Variants in TDRD7 observed in about 807,000 individuals in gnomAD.
TDRD7 encodes tudor domain containing 7.
A neutral mutation model predicts 109.8 loss-of-function variants in TDRD7; 47 were observed. The ratio of observed to expected loss-of-function variants is 0.43; its 90% CI spans 0.34 to 0.55. The LOEUF (loss-of-function observed/expected upper bound fraction) is 0.55, where lower values mean the gene tolerates loss of function less well. Ranked by LOEUF, TDRD7 falls within the 20% of genes least tolerant of loss-of-function variation. The pLI, the probability that TDRD7 is intolerant of heterozygous loss-of-function variation, is 0.03. For synonymous variants in TDRD7, 424 were observed against 457.3 expected (o/e 0.93, Z 0.93); for missense variants, 1,164 against 1,319.2 (o/e 0.88, Z 1.82).
rs61045195 is a variant in TDRD7 at position 97,480,427 on chromosome 9, A to ATT, written c.2302-387_2302-386dup. The ATT allele has an allele frequency of 8.4e-3, 1,564 of 187,166 alleles. 43 individuals carry two copies. In the East Asian group the frequency reaches 0.09, roughly 11 times the overall value. 11.6% of individuals were successfully genotyped at this position (187,166 alleles called of 1,614,324 possible). ...TCAGATTTCCTCCAAATGACAATTG[A>ATT]TTTTTTTTTTTTTTTAAGTTGAGCT... On this transcript the variant is annotated intron_variant, in intron 13 of 16. Coordinates refer to ENST00000355295, the MANE Select transcript of TDRD7 (RefSeq NM_014290.3).
rs139017284 is a variant in TDRD7, at chr9:97,412,912, G to A, written c.-7+674G>A. On this transcript the variant is annotated intron_variant, in intron 1 of 16. Transcript: ENST00000355295. The surrounding 1 kb of genome is among the most constrained non-coding windows in gnomAD (Gnocchi z 4.3). ...TCAGACTCTCAGCTTCAGCTTGCTA[G>A]GAGGGAGCTTGGAGCCGGCATATCT... Among the ~76,000 whole-genome samples the A allele has an allele frequency of 2.5e-4, 38 of 152,298 alleles. No homozygotes were observed. Among genetic ancestry groups the A allele is most frequent in the African/African-American group, 5.5e-4 (23 of 41,560 alleles).
At chr9:97,451,357 A>C (rs1397408433) in intron 6 of TDRD7, among the ~76,000 whole-genome samples, 1 of 152,148 alleles carries the variant, frequency 6.6e-6, no homozygotes, top group Non-Finnish European at 1.5e-5. Context: ...TGCCACCATC[A>C]TAACTCACTG....
At chr9:97,425,829 A>G (rs1001968354) in intron 1 of TDRD7, among the ~76,000 whole-genome samples, 2 of 152,208 alleles carry the variant, frequency 1.3e-5, no homozygotes, top group East Asian at 3.8e-4. Context: ...AGGCAGTTTC[A>G]TTGCTGTGCA....
intron 16 of TDRD7, among the ~76,000 whole-genome samples, chr9:97,494,818 C>T (rs1829369734): frequency 6.6e-6 from 1 of 151,512 alleles, no homozygotes; most frequent in Non-Finnish European, 1.5e-5. Flanking sequence ...TCAAGCGATC[C>T]TCCTCCCTTA....
At chr9:97,440,470 C>A (rs1009692690) in intron 5 of TDRD7, among the ~76,000 whole-genome samples, 1 of 152,202 alleles carries the variant, frequency 6.6e-6, no homozygotes, top group African/African-American at 2.4e-5. Context: ...TCTTTTCCTC[C>A]TTCCCAGTCC....
intron 4 of TDRD7, among the ~76,000 whole-genome samples, chr9:97,434,688 A>G (rs1179397878): frequency 1.3e-5 from 2 of 152,192 alleles, no homozygotes; most frequent in Non-Finnish European, 1.5e-5. Context: ...TCTCAGAGAA[A>G]TGAAAACTTA....
rs538957220 is a variant in TDRD7 at position 97,453,154 on chromosome 9, A to C, written c.856-7024A>C. Among the ~76,000 whole-genome samples, 84 of 152,302 alleles carry C rather than the reference A, an allele frequency of 5.5e-4. 1 individual carries two copies. In the South Asian group the frequency reaches 0.017, roughly 30 times the overall value. ...GATAAGATGGGTTATCGTCCACTGA[A>C]AGTAGTTTCTACCACCCACTTCAGA... On this transcript the variant is annotated intron_variant, in intron 6 of 16. Coordinates refer to ENST00000355295, the MANE Select transcript of TDRD7 (RefSeq NM_014290.3).
At chr9:97,430,880 G>A in intron 2 of TDRD7, 53 bp from the exon 3 acceptor site, 1 of 1,611,876 alleles carries the variant, frequency 6.2e-7, no homozygotes, top group South Asian at 1.1e-5. Context: ...TGGCCTCTAG[G>A]CAACACGGAA....
rs145055145 is a variant in TDRD7 at position 97,463,608 on chromosome 9, C to A, written c.1443-1234C>A. 1.3e-4 allele frequency among the ~76,000 whole-genome samples: 20 copies of A among 152,260 alleles called. No homozygotes were observed. In the East Asian group the frequency reaches 3.9e-3, roughly 29 times the overall value. ...TGATGCTGGTGCTGTTAGAGTATAGCCTTCCAGCTAAAAAGGCCTCGATCC... is the reference window on the plus strand; with the variant it reads ...TGATGCTGGTGCTGTTAGAGTATAGACTTCCAGCTAAAAAGGCCTCGATCC... On this transcript the variant is annotated intron_variant, in intron 7 of 16. Transcript: ENST00000355295.
Position 97,487,259 on chromosome 9 carries a change from C to T in TDRD7, c.3003C>T (p.Asn1001=), listed in dbSNP as rs1438565962. 3 of 1,613,986 alleles carry T rather than the reference C, an allele frequency of 1.9e-6. No homozygotes were observed. Among genetic ancestry groups the T allele is most frequent in the Admixed American group, 1.7e-5 (1 of 59,990 alleles). The change falls in exon 16 of 17, where the codon AAC becomes AAT. Residue 1001 remains asparagine, a synonymous_variant. Coordinates refer to ENST00000355295, the MANE Select transcript of TDRD7 (RefSeq NM_014290.3). ...ELDYGKHELV[N]IRKVQPLVDM... is the part of the protein sequence containing the mutation. ...ATTATGGCAAACACGAATTAGTCAA[C>T]ATAAGAAAAGTACAGCCCCTAGTGG...
intron 2 of TDRD7, among the ~76,000 whole-genome samples, chr9:97,429,962 T>A (rs1000751606): frequency 3.3e-5 from 5 of 152,234 alleles, no homozygotes; most frequent in Admixed American, 3.3e-4. Flanking sequence ...AATACCCCCG[T>A]TGCTCATACT....
chr9:97,428,379 A>G, intron 1 of TDRD7, 81 bp from the exon 2 acceptor site: 1 of 1,360,828 alleles, frequency 7.3e-7, no homozygotes, highest in East Asian at 2.3e-5. Context: ...TTATAAAGTA[A>G]CAAGTTTCAG....
At chr9:97,459,448 T>A (rs1188897598) in intron 6 of TDRD7, among the ~76,000 whole-genome samples, 2 of 152,190 alleles carry the variant, frequency 1.3e-5, no homozygotes, top group Non-Finnish European at 2.9e-5. Flanking sequence ...TCTGCTCTAG[T>A]AGTAGAAAGG....
At chr9:97,431,172 T>C (rs1356866122) in intron 3 of TDRD7, 98 bp downstream of exon 3, 1 of 1,541,798 alleles carries the variant, frequency 6.5e-7, no homozygotes, top group East Asian at 2.3e-5. Flanking sequence ...TAAATACTTG[T>C]ATCTGTTAAC....
In TDRD7 at chr9:97,487,395, A is replaced by G. The variant is rs1161648191; in HGVS notation, c.3076+63A>G. ...GCAATATTGTCATTTTATCCTGGGT[A>G]CTTAGCAAGTACTGAATCATTGGCC... On this transcript the variant is annotated intron_variant, in intron 16 of 16. Transcript: ENST00000355295. The G allele has an allele frequency of 1.6e-5, 25 of 1,609,546 alleles. No individual in the cohort carries two copies. In the Admixed American group the frequency reaches 3.8e-4, roughly 25 times the overall value.
At chr9:97,452,851 A>G (rs1828523498) in intron 6 of TDRD7, among the ~76,000 whole-genome samples, 1 of 152,222 alleles carries the variant, frequency 6.6e-6, no homozygotes, top group South Asian at 2.1e-4. Flanking sequence ...TTAAGACAGC[A>G]GTTCCTATTT....
chr9:97,433,393 A>G (rs911831715), intron 4 of TDRD7, among the ~76,000 whole-genome samples: 1 of 152,014 alleles, frequency 6.6e-6, no homozygotes, highest in East Asian at 1.9e-4. Context: ...CCAAAGTGCT[A>G]GTTGAATCCA....
chr9:97,412,194 C>T lies in TDRD7; in HGVS notation c.-51C>T, dbSNP rs1261629942. On this transcript the variant is annotated 5_prime_UTR_variant, in exon 1 of 17. Coordinates refer to ENST00000355295, the MANE Select transcript of TDRD7 (RefSeq NM_014290.3). This position sits in a 1 kb window ranked among gnomAD's most constrained non-coding sequence, Gnocchi z 4.3. The stretch of plus-strand genomic sequence containing the variant: ...CCCCTGGCGGAGACGGCGGCAGGAG[C>T]TGGGCCCAGAGACGCGGGGACGGGC... 2 of 153,102 alleles carry T rather than the reference C, an allele frequency of 1.3e-5. No homozygotes were observed. The highest frequency in any genetic ancestry group is 2.0e-4 in the South Asian group (1 of 5,006). The allele number at this position is 153,102 out of a possible 1,614,324, so 9.5% of individuals were successfully genotyped here. A position where few individuals can be genotyped will look rare whatever the true frequency, so the allele number is the denominator to read the frequency against.
intron 6 of TDRD7, 79 bp downstream of exon 6, chr9:97,441,954 CTT>C: frequency 8.5e-7 from 1 of 1,182,674 alleles, no homozygotes; most frequent in South Asian, 1.2e-5. Flanking sequence ...GTCATATCAC[CTT>C]TTATCCCCAG....
Sources: gnomAD v4.1 joint callset for allele counts (sites outside exome capture counted in the v4.1 genomes callset) on GRCh38, gnomAD v4.1.1 for gene constraint, Gnocchi (gnomAD v3.1) non-coding constraint, MANE v1.5 for transcripts, NCBI Gene and HGNC (gene_info 2026-07-23, HGNC 2026-07-21) for gene names.